The following SPATA7 variants were observed in gnomAD, a reference collection of about 807,000 sequenced individuals.
SPATA7 encodes the protein spermatogenesis-associated protein 7.
A neutral mutation model predicts 51.8 loss-of-function variants in SPATA7; 43 were observed. That is an observed-to-expected ratio of 0.83 (90% CI 0.65 to 1.07). The LOEUF (loss-of-function observed/expected upper bound fraction) is 1.07, where lower values mean the gene tolerates loss of function less well. SPATA7 is among the 50% of genes least tolerant of loss of function. The probability of loss-of-function intolerance (pLI) is 0.00; values close to 1 mark genes in which losing one functional copy is unlikely to be tolerated. For missense variants in SPATA7, 683 were observed against 701.3 expected (o/e 0.97, Z 0.30); for synonymous variants, 230 against 252.8 (o/e 0.91, Z 0.86).
intron 5 of SPATA7, among the ~76,000 whole-genome samples, chr14:88,418,528 G>A (rs2076547769): frequency 6.6e-6 from 1 of 152,208 alleles, no homozygotes; most frequent in Non-Finnish European, 1.5e-5. Context: ...AGGCTGGCAT[G>A]CAGTAGTGTG....
chr14:88,433,135 TGAA>T lies in SPATA7; in HGVS notation c.1090_1092del (p.Glu364del), dbSNP rs1411753845. On this transcript the variant is annotated inframe_deletion and splice_region_variant, in exon 10 of 12. Coordinates refer to ENST00000393545, the MANE Select transcript of SPATA7 (RefSeq NM_018418.5). ...GCTATATATTGCCTTCCTTTTACAGTGAAGAAGAACTGTTGTATCTGAGTTTCA... is the reference window on the plus strand; with the variant it reads ...GCTATATATTGCCTTCCTTTTACAGTGAAGAACTGTTGTATCTGAGTTTCA... 4.3e-6 allele frequency: 7 copies of T among 1,610,640 alleles called. No homozygotes were observed. Among genetic ancestry groups the T allele is most frequent in the South Asian group, 2.2e-5 (2 of 90,950 alleles).
chr14:88,451,968 G>A (rs1240875942), intron 3 of SPATA7, among the ~76,000 whole-genome samples: 1 of 152,172 alleles, frequency 6.6e-6, no homozygotes, highest in African/African-American at 2.4e-5. Flanking sequence ...TGGTGAGCTA[G>A]TGTGATCTTT....
intron 2 of SPATA7, among the ~76,000 whole-genome samples, chr14:88,392,402 T>C (rs1389860823): frequency 6.6e-6 from 1 of 152,182 alleles, no homozygotes; most frequent in African/African-American, 2.4e-5. Context: ...CTTGAAGATG[T>C]AACTCATATC....
intron 3 of SPATA7, among the ~76,000 whole-genome samples, chr14:88,444,546 T>C (rs1386381645): frequency 6.6e-6 from 1 of 151,652 alleles, no homozygotes; most frequent in Non-Finnish European, 1.5e-5. Flanking sequence ...GTTTTAGACA[T>C]GAAGTCCTTG....
At chr14:88,439,322 A>G (rs1269015552), downstream of SPATA7, among the ~76,000 whole-genome samples, 1 of 144,454 alleles carries the variant, frequency 6.9e-6, no homozygotes, top group East Asian at 2.1e-4. Context: ...GTGAGTGCAA[A>G]CATTTAGTCA....
intron 4 of SPATA7, among the ~76,000 whole-genome samples, chr14:88,461,718 G>A (rs1408523071): frequency 3.3e-5 from 5 of 151,430 alleles, no homozygotes; most frequent in African/African-American, 7.3e-5. Context: ...CCACTGTCCT[G>A]CCCCCACTGT....
chr14:88,397,927 A>G (rs2075935656), intron 4 of SPATA7, among the ~76,000 whole-genome samples: 2 of 151,802 alleles, frequency 1.3e-5, no homozygotes, highest in South Asian at 2.1e-4. Flanking sequence ...ACTAAAAAAC[A>G]AAAAATTAGC....
chr14:88,430,836 G>T (rs929966314), intron 8 of SPATA7, among the ~76,000 whole-genome samples: 1 of 152,084 alleles, frequency 6.6e-6, no homozygotes, highest in African/African-American at 2.4e-5. Context: ...GATTAAATTA[G>T]ATATGGGTAT....
intron 3 of SPATA7, among the ~76,000 whole-genome samples, chr14:88,454,481 A>C (rs1430388983): frequency 1.3e-5 from 2 of 152,300 alleles, no homozygotes; most frequent in East Asian, 3.9e-4. Flanking sequence ...TCAGCCTACC[A>C]TGACTATAAA....
chr14:88,418,776 C>A (rs2076554381), intron 5 of SPATA7, among the ~76,000 whole-genome samples: 1 of 152,050 alleles, frequency 6.6e-6, no homozygotes, highest in African/African-American at 2.4e-5. Context: ...GCCCGGCCTA[C>A]AATTTTCATT....
chr14:88,429,511 C>T (rs998161872), intron 8 of SPATA7, 48 bp downstream of exon 8: 17 of 1,195,148 alleles, frequency 1.4e-5, no homozygotes, highest in Non-Finnish European at 2.0e-5. Context: ...TAATTGCCTT[C>T]TTGTATAACA....
At chr14:88,439,296 G>C (rs919886946), downstream of SPATA7, among the ~76,000 whole-genome samples, 2 of 151,742 alleles carry the variant, frequency 1.3e-5, no homozygotes, top group Non-Finnish European at 2.9e-5. Flanking sequence ...AGCTGGCTGA[G>C]ATGTTGTCTC....
At chr14:88,427,777 A>G in intron 7 of SPATA7, 81 bp downstream of exon 7, 1 of 1,005,118 alleles carries the variant, frequency 9.9e-7, no homozygotes, top group Non-Finnish European at 1.6e-6. Context: ...ACAGCTATTT[A>G]GACTGTGAAG....
chr14:88,460,363 G>A (rs2140060563), intron 4 of SPATA7, among the ~76,000 whole-genome samples: 1 of 151,946 alleles, frequency 6.6e-6, no homozygotes, highest in East Asian at 1.9e-4. Flanking sequence ...ACATAAATTT[G>A]GTCTTTTCAC....
In SPATA7 at chr14:88,469,910, A is replaced by G. The variant is rs2297128; in HGVS notation, c.*43A>G. The G allele has an allele frequency of 0.25, 405,823 of 1,612,854 alleles. 52,199 individuals are homozygous for G. Among genetic ancestry groups the G allele is most frequent in the East Asian group, 0.29 (13,010 of 44,872 alleles). ...AGGCTGAGAAAATCACTTAAGAGAA[A>G]TAAGTACCTACCTCTTCTGCTGTCA... On this transcript the variant is annotated 3_prime_UTR_variant, in exon 5 of 5. Coordinates refer to the SPATA7 transcript ENST00000556406. This position sits in a 1 kb window ranked among gnomAD's most constrained non-coding sequence, Gnocchi z 4.3.
intron 3 of SPATA7, among the ~76,000 whole-genome samples, chr14:88,451,506 T>A (rs1329246393): frequency 6.6e-6 from 1 of 151,448 alleles, no homozygotes; most frequent in African/African-American, 2.4e-5. Context: ...ACTGGAGATT[T>A]TTCCATTCAT....
intron 3 of SPATA7, among the ~76,000 whole-genome samples, chr14:88,394,796 G>A (rs919832127): frequency 3.9e-5 from 6 of 152,042 alleles, no homozygotes; most frequent in Non-Finnish European, 7.4e-5. Flanking sequence ...AACCCTTGGC[G>A]TTGACAGTCC....
At chr14:88,415,219 G>T in intron 4 of SPATA7, 1 of 349,452 alleles carries the variant, frequency 2.9e-6, no homozygotes, top group South Asian at 2.3e-5. Context: ...AGAAGTACTT[G>T]TATGAATCTG....
At position 88,426,271 on chromosome 14, in the gene SPATA7, G is replaced by C; in HGVS notation, c.412G>C (p.Glu138Gln). 1 of 1,614,054 alleles carries C rather than the reference G, an allele frequency of 6.2e-7. No homozygotes were observed. Among genetic ancestry groups the C allele is most frequent in the Non-Finnish European group, 8.5e-7 (1 of 1,179,992 alleles). The part of the protein sequence containing the change: ...EPQIEDDMLK[E>Q]EMNGFSSFAR... ...GCAAATTGAGGATGACATGTTAAAAGAAGAAATGAATGGATTTTCATCCTT... is the reference window on the plus strand; with the variant it reads ...GCAAATTGAGGATGACATGTTAAAACAAGAAATGAATGGATTTTCATCCTT... Residue 138 changes from glutamate (E) to glutamine (Q), a missense_variant, in exon 6 of 12, where the codon GAA becomes CAA. Physicochemically the swap from Glu to Gln is conservative, Grantham distance 29. Coordinates refer to ENST00000393545, the MANE Select transcript of SPATA7 (RefSeq NM_018418.5).
Sources: allele counts gnomAD v4.1 joint callset (sites outside exome capture counted in the v4.1 genomes callset), GRCh38; gene constraint gnomAD v4.1.1; non-coding constraint Gnocchi (gnomAD v3.1); transcripts MANE v1.5; gene names NCBI Gene and HGNC (gene_info 2026-07-23, HGNC 2026-07-21).